PHF20: variants seen among roughly 807,000 people sequenced by gnomAD.
The protein encoded by PHF20 is PHD finger protein 20.
Under a neutral mutation model 113.5 loss-of-function variants are expected in PHF20, and 23 were observed. That is an observed-to-expected ratio of 0.20 (90% CI 0.15 to 0.29). PHF20 has a LOEUF of 0.29. Among genes scored for constraint, PHF20 ranks in the 10% least tolerant of loss-of-function variants. The pLI is 1.00. For synonymous variants in PHF20, 434 were observed against 457.3 expected (o/e 0.95, Z 0.65); for missense variants, 943 against 1,219.6 (o/e 0.77, Z 3.38).
At chr20:35,913,922 C>T in intron 11 of PHF20, 111 bp from the exon 12 acceptor site, 1 of 1,062,084 alleles carries the variant, frequency 9.4e-7, no homozygotes, top group Non-Finnish European at 1.4e-6. Flanking sequence ...TGAATTGTCC[C>T]TGAGCCTTTG....
At chr20:35,914,323 A>T in intron 12 of PHF20, 126 bp downstream of exon 12, 1 of 935,716 alleles carries the variant, frequency 1.1e-6, no homozygotes, top group Non-Finnish European at 1.6e-6. Context: ...GTCAGACATA[A>T]TTTTTATTTT....
At chr20:35,844,484 C>T (rs1368596786) in intron 3 of PHF20, among the ~76,000 whole-genome samples, 3 of 140,614 alleles carry the variant, frequency 2.1e-5, no homozygotes, top group Admixed American at 7.4e-5. Flanking sequence ...TTGTCAAGCT[C>T]CTCACTCTGT....
intron 1 of PHF20, among the ~76,000 whole-genome samples, chr20:35,785,112 C>T (rs2041382191): frequency 6.6e-6 from 1 of 151,656 alleles, no homozygotes; most frequent in South Asian, 2.1e-4. Flanking sequence ...GAAGTCCCAG[C>T]TCTTCTATCT....
intron 9 of PHF20, among the ~76,000 whole-genome samples, chr20:35,885,433 C>CT (rs1286063558): frequency 4.2e-5 from 3 of 71,822 alleles, no homozygotes; most frequent in Admixed American, 1.5e-4. Context: ...CAGTCTTCTA[C>CT]TTTTTTTACT....
At chr20:35,790,390 G>A (rs1302436474) in intron 1 of PHF20, among the ~76,000 whole-genome samples, 1 of 151,554 alleles carries the variant, frequency 6.6e-6, no homozygotes, top group Non-Finnish European at 1.5e-5. Flanking sequence ...TAGTAGAGGC[G>A]GGATTTCACC....
At position 35,854,418 on chromosome 20, in the gene PHF20, A is replaced by G. The variant is rs150595101; in HGVS notation, c.341-3884A>G. On this transcript the variant is annotated intron_variant, in intron 4 of 17. Coordinates refer to ENST00000374012, the MANE Select transcript of PHF20 (RefSeq NM_016436.5). The stretch of plus-strand genomic sequence containing the variant: ...ACTTATTTTGAGTTCCTTCATTTAC[A>G]TGTTGTTTGTTAGGTAGTGTTTGTG... Among the ~76,000 whole-genome samples the G allele has an allele frequency of 3.9e-3, 590 of 152,260 alleles. 3 individuals carry two copies. The highest frequency in any genetic ancestry group is 5.3e-3 in the Admixed American group (81 of 15,298).
chr20:35,794,103 C>T (rs1178010917), intron 1 of PHF20, among the ~76,000 whole-genome samples: 1 of 150,978 alleles, frequency 6.6e-6, no homozygotes, highest in African/African-American at 2.4e-5. Context: ...GAGTTCGAGA[C>T]CAGCCTGACC....
chr20:35,799,604 C>T (rs1278287639), intron 1 of PHF20, among the ~76,000 whole-genome samples: 5 of 152,116 alleles, frequency 3.3e-5, no homozygotes, highest in Non-Finnish European at 5.9e-5. Context: ...ACTAGCTCCT[C>T]CGATAGCATT....
chr20:35,890,465 C>G (rs2054828383), intron 9 of PHF20, among the ~76,000 whole-genome samples: 2 of 152,172 alleles, frequency 1.3e-5, no homozygotes, highest in South Asian at 4.1e-4. Flanking sequence ...GCAGATTGTA[C>G]CAGTGACACA....
At chr20:35,845,780 C>CTTTTTTTTTTTTT in intron 3 of PHF20, among the ~76,000 whole-genome samples, 1 of 135,286 alleles carries the variant, frequency 7.4e-6, no homozygotes, top group Non-Finnish European at 1.6e-5. Flanking sequence ...ATTTTTCTTT[C>CTTTTTTTTTTTTT]TTTTTTTTTT....
At chr20:35,928,255 G>A (rs141504875) in intron 14 of PHF20, among the ~76,000 whole-genome samples, 140 of 151,350 alleles carry the variant, frequency 9.3e-4, no homozygotes, top group Non-Finnish European at 1.8e-3. Context: ...CCTGGCCAAT[G>A]TGGTGAAACT....
At position 35,918,612 on chromosome 20, in the gene PHF20, G is replaced by A. The variant is rs147883710; in HGVS notation, c.2004+950G>A. Among the ~76,000 whole-genome samples the A allele has an allele frequency of 2.6e-3, 389 of 152,328 alleles. 1 individual carries two copies. Among genetic ancestry groups the A allele is most frequent in the Non-Finnish European group, 4.1e-3 (277 of 68,020 alleles). ...TGTTCAAGAGGCTAGGTAGACCAAGGTCAGAATCTTAGTCCCAGTTCTAAA... is the reference window on the plus strand; with the variant it reads ...TGTTCAAGAGGCTAGGTAGACCAAGATCAGAATCTTAGTCCCAGTTCTAAA... On this transcript the variant is annotated intron_variant, in intron 13 of 17. Transcript: ENST00000374012.
chr20:35,934,631 A>T (rs1002862919), intron 15 of PHF20, among the ~76,000 whole-genome samples: 1 of 151,962 alleles, frequency 6.6e-6, no homozygotes, highest in Non-Finnish European at 1.5e-5. Flanking sequence ...GGAGGGGGAA[A>T]AGAGAGAAAG....
chr20:35,810,690 CAG>C (rs1011564672), intron 2 of PHF20, among the ~76,000 whole-genome samples: 34 of 152,266 alleles, frequency 2.2e-4, no homozygotes, highest in African/African-American at 7.9e-4. Flanking sequence ...CAAATTTCTC[CAG>C]AGTGTCTGAA....
intron 5 of PHF20, among the ~76,000 whole-genome samples, chr20:35,861,020 C>T (rs962406283): frequency 4.6e-5 from 7 of 152,128 alleles, no homozygotes; most frequent in Non-Finnish European, 8.8e-5. Context: ...GACCTTAGCC[C>T]GGTAGGCCCT....
chr20:35,827,884 C>G (rs928968321), intron 2 of PHF20, among the ~76,000 whole-genome samples: 2 of 151,864 alleles, frequency 1.3e-5, no homozygotes. Context: ...CTCTTTGAGG[C>G]TCCATTTCCA....
chr20:35,885,467 C>CTTTTT lies in PHF20; in HGVS notation c.1282+13667_1282+13671dup, dbSNP rs577878410. ...CTGGAGTGGGGGACAGGGGAATAAG[C>CTTTTT]TTTTTTTTTTTTTTTTTTTTTTTTT... On this transcript the variant is annotated intron_variant, in intron 9 of 17. Coordinates refer to ENST00000374012, the MANE Select transcript of PHF20 (RefSeq NM_016436.5). Among the ~76,000 whole-genome samples the CTTTTT allele has an allele frequency of 4.5e-4, 16 of 35,736 alleles. 1 individual carries two copies. Among genetic ancestry groups the CTTTTT allele is most frequent in the African/African-American group, 1.5e-3 (14 of 9,238 alleles). 23.4% of individuals were successfully genotyped at this position (35,736 alleles called of 152,430 possible).
At position 35,854,765 on chromosome 20, in the gene PHF20, C is replaced by T. The variant is rs372234489; in HGVS notation, c.341-3537C>T. On this transcript the variant is annotated intron_variant, in intron 4 of 17. Transcript: ENST00000374012. The stretch of plus-strand genomic sequence containing the variant: ...TTGGAATTAGACTGAGGAGCTTGAG[C>T]AATAGGCAGTGCGGGGTGGTGGGAA... 1.6e-4 allele frequency among the ~76,000 whole-genome samples: 24 copies of T among 152,230 alleles called. 2 individuals are homozygous for T. In the South Asian group the frequency reaches 4.6e-3, roughly 29 times the overall value.
intron 1 of PHF20, among the ~76,000 whole-genome samples, chr20:35,783,677 C>T (rs1182439706): frequency 4.6e-5 from 7 of 151,726 alleles, no homozygotes; most frequent in South Asian, 2.1e-4. Context: ...TCTCCTGCCT[C>T]GGCCTTCCAA....
Sources: gnomAD v4.1 joint callset for allele counts (sites outside exome capture counted in the v4.1 genomes callset) on GRCh38, gnomAD v4.1.1 for gene constraint, MANE v1.5 for transcripts, NCBI Gene and HGNC (gene_info 2026-07-23, HGNC 2026-07-21) for gene names.